The following KIF3C variants were observed in gnomAD, a reference collection of about 807,000 sequenced individuals.
KIF3C encodes kinesin-like protein KIF3C.
In KIF3C, 12 loss-of-function variants were observed where a neutral mutation model predicts 67.7. The ratio of observed to expected loss-of-function variants is 0.18; its 90% CI spans 0.11 to 0.29. The LOEUF is 0.29. KIF3C is among the 10% of genes least tolerant of loss of function. The pLI is 1.00. For missense variants in KIF3C, 789 were observed against 1,059.6 expected (o/e 0.74, Z 3.55); for synonymous variants, 393 against 426.2 (o/e 0.92, Z 0.96).
chr2:25,981,061 C>A lies in KIF3C; in HGVS notation c.857G>T (p.Arg286Met), dbSNP rs1465512599. Residue 286 changes from arginine (R) to methionine (M), a missense_variant, in exon 1 of 8, where the codon AGG becomes ATG. By Grantham distance (91) the Arg-to-Met change is moderately conservative. Around this residue, in one of 2 missense-constraint regions of KIF3C, gnomAD observed 648 missense variants for 807.8 expected, o/e 0.80. Coordinates refer to ENST00000264712, the MANE Select transcript of KIF3C (RefSeq NM_002254.8). This position sits in a 1 kb window ranked among gnomAD's most constrained non-coding sequence, Gnocchi z 8.2. ...GTTGATTTTGGAGGCTTCCTTAGGC[C>A]TCTCTCCACCAGCACCACCACCACT... ...GGSGGGAGGE[R>M]PKEASKINLS... is the part of the protein sequence containing the mutation. The A allele has an allele frequency of 1.2e-6, 2 of 1,614,152 alleles. No individual in the cohort carries two copies. Among genetic ancestry groups the A allele is most frequent in the Non-Finnish European group, 1.7e-6 (2 of 1,180,010 alleles).
chr2:25,954,284 G>A lies in KIF3C; in HGVS notation c.1872C>T (p.Thr624=), dbSNP rs147256637. 1.9e-6 allele frequency: 3 copies of A among 1,613,908 alleles called. No individual in the cohort carries two copies. Among genetic ancestry groups the A allele is most frequent in the Non-Finnish European group, 2.5e-6 (3 of 1,179,824 alleles). The change falls in exon 4 of 8, where the codon ACC becomes ACT. Residue 624 remains threonine, a synonymous_variant. Transcript: ENST00000264712. ...GGCCCTACTTGAGCTTGAGTTCGCGGGTCTGCTCGTTCTGCGCCTCCTCCA... is the reference window on the plus strand; with the variant it reads ...GGCCCTACTTGAGCTTGAGTTCGCGAGTCTGCTCGTTCTGCGCCTCCTCCA... ...QDLEEAQNEQ[T]RELKLKYLII... is the part of the protein sequence containing the mutation.
chr2:25,948,283 G>C (rs1032556063), intron 5 of KIF3C, among the ~76,000 whole-genome samples: 1 of 152,044 alleles, frequency 6.6e-6, no homozygotes, highest in African/African-American at 2.4e-5. Context: ...GGCTGGGTGG[G>C]GTGGCTCATG....
chr2:25,932,146 C>A (rs181303198), intron 5 of KIF3C, among the ~76,000 whole-genome samples: 2 of 151,682 alleles, frequency 1.3e-5, no homozygotes, highest in African/African-American at 4.8e-5. Flanking sequence ...GTATTACAGG[C>A]GCATGCCACC....
intron 1 of KIF3C, among the ~76,000 whole-genome samples, chr2:25,957,031 T>C (rs1177025970): frequency 6.6e-6 from 1 of 152,200 alleles, no homozygotes; most frequent in Non-Finnish European, 1.5e-5. Context: ...TCTACCCACT[T>C]ACCTCGAGGC....
In KIF3C at chr2:25,956,457, A is replaced by AGG; in HGVS notation, c.1546-15_1546-14dup. 1 of 1,604,650 alleles carries AGG rather than the reference A, an allele frequency of 6.2e-7. No homozygotes were observed. ...TGCTCTCCATGGCCTGGGGACACAG[A>AGG]GGGGTTGGGAGGTGGGCTTTGCAAA... On this transcript the variant is annotated splice_polypyrimidine_tract_variant and intron_variant, in intron 1 of 7. Coordinates refer to ENST00000264712, the MANE Select transcript of KIF3C (RefSeq NM_002254.8).
chr2:25,944,317 T>C (rs1337584835), intron 5 of KIF3C, among the ~76,000 whole-genome samples: 2 of 151,986 alleles, frequency 1.3e-5, no homozygotes, highest in African/African-American at 2.4e-5. Flanking sequence ...TATTTAAGTG[T>C]AGTAGAGAAC....
Position 25,980,615 on chromosome 2 carries a change from C to T in KIF3C, c.1303G>A (p.Glu435Lys), listed in dbSNP as rs190338576. Residue 435 changes from glutamate to lysine, a missense_variant, in exon 1 of 8, where the codon GAG becomes AAG. Coordinates refer to ENST00000264712, the MANE Select transcript of KIF3C (RefSeq NM_002254.8). This position sits in a 1 kb window ranked among gnomAD's most constrained non-coding sequence, Gnocchi z 7.6. ...PVIEAWVAEE[E>K]DDNNNNHRPP... is the part of the protein sequence containing the mutation. The stretch of plus-strand genomic sequence containing the variant: ...CGGTGGTTGTTGTTGTTGTCATCCT[C>T]CTCTTCTGCCACCCAGGCCTCAATC... 1.0e-4 allele frequency: 161 copies of T among 1,614,096 alleles called. No individual in the cohort carries two copies. Among genetic ancestry groups the T allele is most frequent in the Non-Finnish European group, 1.3e-4 (148 of 1,180,028 alleles).
rs1207447041 is a variant in KIF3C at position 25,963,174 on chromosome 2, G to GTGTA, written c.1546-6731_1546-6730insTACA. The stretch of plus-strand genomic sequence containing the variant: ...TGTGTGTGTGTATGTATGTGTGTGT[G>GTGTA]TATATATATATATATATATATATTT... On this transcript the variant is annotated intron_variant, in intron 1 of 7. Transcript: ENST00000264712. 8.8e-3 allele frequency among the ~76,000 whole-genome samples: 300 copies of GTGTA among 34,074 alleles called. 4 individuals are homozygous for GTGTA. Among genetic ancestry groups the GTGTA allele is most frequent in the Non-Finnish European group, 9.9e-3 (229 of 23,036 alleles). 22.4% of individuals were successfully genotyped at this position (34,074 alleles called of 152,430 possible). A position where few individuals can be genotyped will look rare whatever the true frequency, so the allele number is the denominator to read the frequency against.
intron 5 of KIF3C, among the ~76,000 whole-genome samples, chr2:25,947,829 C>T (rs1336800546): frequency 6.6e-6 from 1 of 151,888 alleles, no homozygotes; most frequent in Non-Finnish European, 1.5e-5. Flanking sequence ...TTTAAATTTT[C>T]CATAATGAAA....
rs751009902 is a variant in KIF3C, at chr2:25,929,038, G to C, written c.2322C>G (p.Thr774=). 3.7e-6 allele frequency: 6 copies of C among 1,613,818 alleles called. No homozygotes were observed. The highest frequency in any genetic ancestry group is 5.1e-6 in the Non-Finnish European group (6 of 1,179,942). ...AAGCAGAGGCCAGGGAGGCATGTGTGGTGGAAGGTGGAGGCCGCTGAGGAC... is the reference window on the plus strand; with the variant it reads ...AAGCAGAGGCCAGGGAGGCATGTGTCGTGGAAGGTGGAGGCCGCTGAGGAC... The part of the protein sequence containing the change: ...CQSPQRPPPS[T]THASLASASL... Residue 774 remains threonine, a synonymous_variant, in exon 8 of 8, where the codon ACC becomes ACG. Transcript: ENST00000264712.
rs1260317363 is a variant in KIF3C at position 25,962,861 on chromosome 2, T to A, written c.1546-6417A>T. On this transcript the variant is annotated intron_variant, in intron 1 of 7. Coordinates refer to ENST00000264712, the MANE Select transcript of KIF3C (RefSeq NM_002254.8). ...AATATATAATATATAATATAATATA[T>A]AATATATATAATATATAAAATATAT... 4.2e-4 allele frequency among the ~76,000 whole-genome samples: 31 copies of A among 73,746 alleles called. 2 individuals are homozygous for A. The highest frequency in any genetic ancestry group is 0.011 in the Middle Eastern group (2 of 178). The allele number at this position is 73,746 out of a possible 152,430, so 48.4% of individuals were successfully genotyped here.
At position 25,929,052 on chromosome 2, in the gene KIF3C, G is replaced by A. The variant is rs13030384; in HGVS notation, c.2308C>T (p.Pro770Ser). Residue 770 changes from proline (P) to serine (S), a missense_variant, in exon 8 of 8, where the codon CCT becomes TCT. Physicochemically the swap from Pro to Ser is moderately conservative, Grantham distance 74. Coordinates refer to ENST00000264712, the MANE Select transcript of KIF3C (RefSeq NM_002254.8). ...GAGGCATGTGTGGTGGAAGGTGGAG[G>A]CCGCTGAGGACTCTGGCACCTGCAG... is the stretch of plus-strand genomic sequence containing the variant. ...SRSWCQSPQR[P>S]PPSTTHASLA... 1.9e-6 allele frequency: 3 copies of A among 1,613,842 alleles called. No homozygotes were observed. The highest frequency in any genetic ancestry group is 4.5e-5 in the East Asian group (2 of 44,872).
intron 5 of KIF3C, chr2:25,938,128 C>T (rs1663187045): frequency 3.2e-6 from 1 of 308,724 alleles, no homozygotes; most frequent in African/African-American, 2.4e-5. Flanking sequence ...TTTAGGAGGA[C>T]AAGACAGGTG....
At chr2:25,967,421 G>C (rs1664171435) in intron 1 of KIF3C, among the ~76,000 whole-genome samples, 1 of 152,196 alleles carries the variant, frequency 6.6e-6, no homozygotes, top group Admixed American at 6.6e-5. Flanking sequence ...CACTCTCTTT[G>C]CTACAAAACC....
chr2:25,931,126 T>G (rs760082461), intron 5 of KIF3C, among the ~76,000 whole-genome samples: 3 of 152,134 alleles, frequency 2.0e-5, no homozygotes, highest in Non-Finnish European at 2.9e-5. Context: ...TAGGGTTTGG[T>G]ACTAGCTGCA....
At chr2:25,935,195 G>T (rs1003053091) in intron 5 of KIF3C, among the ~76,000 whole-genome samples, 2 of 152,020 alleles carry the variant, frequency 1.3e-5, no homozygotes, top group African/African-American at 4.8e-5. Context: ...AGTGAGCTGA[G>T]ATCACACTGC....
At chr2:25,932,952 T>C (rs572190918) in intron 5 of KIF3C, among the ~76,000 whole-genome samples, 2 of 150,042 alleles carry the variant, frequency 1.3e-5, no homozygotes, top group Non-Finnish European at 3.0e-5. Context: ...ATTAATGAAA[T>C]AGAACTGAAA....
chr2:25,973,604 A>C (rs926878283), intron 1 of KIF3C, among the ~76,000 whole-genome samples: 1 of 151,612 alleles, frequency 6.6e-6, no homozygotes, highest in Non-Finnish European at 1.5e-5. Context: ...AACTCAATGA[A>C]TTTGGGGACA....
At chr2:25,956,649 A>G (rs1242343476) in intron 1 of KIF3C, among the ~76,000 whole-genome samples, 2 of 152,156 alleles carry the variant, frequency 1.3e-5, no homozygotes, top group Non-Finnish European at 2.9e-5. Flanking sequence ...TGTCAGCAGG[A>G]ACACTAGGGA....
Sources: gnomAD v4.1 joint callset for allele counts (sites outside exome capture counted in the v4.1 genomes callset) on GRCh38, gnomAD v4.1.1 for gene constraint, gnomAD v4.1.1 regional missense constraint, Gnocchi (gnomAD v3.1) non-coding constraint, MANE v1.5 for transcripts, NCBI Gene and HGNC (gene_info 2026-07-23, HGNC 2026-07-21) for gene names.